The following GTPBP10 variants were observed in gnomAD, a reference collection of about 807,000 sequenced individuals.
The protein encoded by GTPBP10 is GTP binding protein 10.
Under a neutral mutation model 44.8 loss-of-function variants are expected in GTPBP10, and 38 were observed. The observed-to-expected ratio is 0.85, with a 90% CI of 0.65 to 1.11. The LOEUF (loss-of-function observed/expected upper bound fraction) is 1.11, where lower values mean the gene tolerates loss of function less well. GTPBP10 is among the 50% of genes most tolerant of loss of function. The pLI is 0.00. For synonymous variants in GTPBP10, 152 were observed against 150.6 expected (o/e 1.01, Z -0.07); for missense variants, 462 against 453.7 (o/e 1.02, Z -0.17).
intron 1 of GTPBP10, among the ~76,000 whole-genome samples, chr7:90,349,117 A>G (rs2115584541): frequency 6.6e-6 from 1 of 152,338 alleles, no homozygotes; most frequent in South Asian, 2.1e-4. Context: ...GTGAAATTAT[A>G]ACACAACACA....
At chr7:90,372,016 T>C (rs895918562) in intron 4 of GTPBP10, 139 bp from the exon 5 acceptor site, 3 of 537,824 alleles carry the variant, frequency 5.6e-6, no homozygotes, top group Non-Finnish European at 9.8e-6. Context: ...GTGTATGTTC[T>C]CAAGTTTTTC....
intron 1 of GTPBP10, among the ~76,000 whole-genome samples, chr7:90,349,656 C>T (rs945847111): frequency 4.6e-5 from 7 of 152,218 alleles, no homozygotes; most frequent in Non-Finnish European, 7.3e-5. Context: ...AACACAACTG[C>T]ATTTGCACAA....
Position 90,372,193 on chromosome 7 carries a change from T to G in GTPBP10, c.503T>G (p.Val168Gly), listed in dbSNP as rs770776877. ...GGAAAATCCTCTTTGCTAAGTTGTG[T>G]TTCTCATGCAAAACCTGCAATTGCA... The part of the protein sequence containing the change: ...NAGKSSLLSC[V>G]SHAKPAIADY... Residue 168 changes from valine to glycine, a missense_variant, in exon 5 of 10, where the codon GTT becomes GGT. Val to Gly is a moderately radical substitution (Grantham distance 109). Coordinates refer to ENST00000222511, the MANE Select transcript of GTPBP10 (RefSeq NM_033107.4). 6.2e-7 allele frequency: 1 copy of G among 1,607,718 alleles called. No homozygotes were observed. Among genetic ancestry groups the G allele is most frequent in the South Asian group, 1.1e-5 (1 of 90,336 alleles).
chr7:90,347,472 A>G (rs1200527775), intron 1 of GTPBP10: 3 of 236,036 alleles, frequency 1.3e-5, no homozygotes, highest in Non-Finnish European at 2.1e-5. Flanking sequence ...CCTCGAGTAT[A>G]TCAGAATGGT....
intron 4 of GTPBP10, among the ~76,000 whole-genome samples, chr7:90,362,414 T>C (rs1207904651): frequency 6.6e-6 from 1 of 152,238 alleles, no homozygotes; most frequent in African/African-American, 2.4e-5. Flanking sequence ...CAGGAGCAGG[T>C]TATTCAGTTT....
At chr7:90,371,214 TCTGTC>T in intron 4 of GTPBP10, 1 of 970,376 alleles carries the variant, frequency 1.0e-6, no homozygotes, top group South Asian at 4.8e-5. Flanking sequence ...ATTAACAGTG[TCTGTC>T]TACCTGTATA....
intron 4 of GTPBP10, among the ~76,000 whole-genome samples, chr7:90,365,676 G>T (rs1017327687): frequency 6.6e-6 from 1 of 152,266 alleles, no homozygotes; most frequent in East Asian, 1.9e-4. Context: ...GCGCCCGGCC[G>T]GGGTTTTCTA....
At chr7:90,369,624 C>T (rs925291921) in intron 4 of GTPBP10, among the ~76,000 whole-genome samples, 6 of 152,192 alleles carry the variant, frequency 3.9e-5, no homozygotes, top group Admixed American at 2.0e-4. Flanking sequence ...ACCTGCTCAG[C>T]CAGGCACGGG....
intron 8 of GTPBP10, 128 bp downstream of exon 8, chr7:90,378,339 C>T (rs892766209): frequency 2.5e-6 from 3 of 1,224,312 alleles, no homozygotes; most frequent in African/African-American, 3.1e-5. Context: ...TAAAGAATTA[C>T]TTAAACTTGT....
chr7:90,351,103 C>T (rs987235604), intron 1 of GTPBP10, among the ~76,000 whole-genome samples: 27 of 152,120 alleles, frequency 1.8e-4, no homozygotes, highest in African/African-American at 4.8e-4. Context: ...CTTGAGATCC[C>T]GGGATAGTTA....
chr7:90,372,347 C>T (rs938937072), intron 5 of GTPBP10, 119 bp downstream of exon 5: 17 of 661,504 alleles, frequency 2.6e-5, no homozygotes, highest in East Asian at 8.4e-5. Context: ...AAATTTTTGG[C>T]AGATAGACTA....
At chr7:90,350,068 C>T (rs61619194) in intron 1 of GTPBP10, among the ~76,000 whole-genome samples, 9,908 of 152,146 alleles carry the variant, frequency 0.065, 354 homozygotes, top group South Asian at 0.15. Context: ...TTATCTCTCA[C>T]CCAGCCCCCA....
intron 4 of GTPBP10, among the ~76,000 whole-genome samples, chr7:90,368,588 A>T (rs896318297): frequency 6.6e-6 from 1 of 152,088 alleles, no homozygotes; most frequent in Non-Finnish European, 1.5e-5. Context: ...CCAGTCGGCT[A>T]TTGAAGCTTG....
chr7:90,391,307 C>T lies in GTPBP10; in HGVS notation c.*6153C>T, dbSNP rs1796611714. 1 of 151,926 alleles carries T rather than the reference C, an allele frequency of 6.6e-6. No homozygotes were observed. The highest frequency in any genetic ancestry group is 2.4e-5 in the African/African-American group (1 of 41,338). 9.4% of individuals were successfully genotyped at this position (151,926 alleles called of 1,614,324 possible). A position where few individuals can be genotyped will look rare whatever the true frequency, so the allele number is the denominator to read the frequency against. Reference sequence around the variant, plus strand: ...GGATGGGAGGAAGGGATGCTTAAAACCTTGGATAGTACCAAACCCTATATA... The same window carrying T: ...GGATGGGAGGAAGGGATGCTTAAAATCTTGGATAGTACCAAACCCTATATA... On this transcript the variant is annotated 3_prime_UTR_variant, in exon 10 of 10. Transcript: ENST00000222511.
At chr7:90,365,368 C>CTTTTTTTTTTTT (rs59645149) in intron 4 of GTPBP10, among the ~76,000 whole-genome samples, 2 of 90,364 alleles carry the variant, frequency 2.2e-5, no homozygotes, top group Non-Finnish European at 4.1e-5. Context: ...TTGGGGTTTT[C>CTTTTTTTTTTTT]TTTTTTTTTT....
chr7:90,347,291 AT>A lies in GTPBP10; in HGVS notation c.33+518del, dbSNP rs1471743011. Among the ~76,000 whole-genome samples the A allele has an allele frequency of 2.0e-5, 3 of 152,232 alleles. No homozygotes were observed. The East Asian group carries it at 5.8e-4, about 29-fold the overall frequency. ...TTTGAATTTTTATTTTTTAAATCTT[AT>A]CCTATCAGTAATGCTTTTTGAAACG... On this transcript the variant is annotated intron_variant, in intron 1 of 9. Transcript: ENST00000222511.
rs1157286474 is a variant in GTPBP10, at chr7:90,388,159, AT to A, written c.*3010del. ...TCTATGTACCTTTTTTTGACCTTTGATTTTTATTCTGATGGAGAAGATCAGA... is the reference window on the plus strand; with the variant it reads ...TCTATGTACCTTTTTTTGACCTTTGATTTTATTCTGATGGAGAAGATCAGA... On this transcript the variant is annotated 3_prime_UTR_variant, in exon 10 of 10. Transcript: ENST00000222511. The A allele has an allele frequency of 1.3e-5, 2 of 152,034 alleles. No individual in the cohort carries two copies. Among genetic ancestry groups the A allele is most frequent in the Non-Finnish European group, 2.9e-5 (2 of 67,994 alleles). 9.4% of individuals were successfully genotyped at this position (152,034 alleles called of 1,614,324 possible).
intron 4 of GTPBP10, among the ~76,000 whole-genome samples, chr7:90,368,494 T>A (rs2115705440): frequency 6.6e-6 from 1 of 152,032 alleles, no homozygotes; most frequent in East Asian, 1.9e-4. Context: ...TCTTTTCAGT[T>A]TTTTTTCCTC....
intron 8 of GTPBP10, among the ~76,000 whole-genome samples, chr7:90,382,174 T>A (rs1423975090): frequency 6.6e-6 from 1 of 152,150 alleles, no homozygotes; most frequent in Non-Finnish European, 1.5e-5. Context: ...GTGGTTGATA[T>A]CCAAAACATA....
Sources: allele counts gnomAD v4.1 joint callset (sites outside exome capture counted in the v4.1 genomes callset), GRCh38; gene constraint gnomAD v4.1.1; transcripts MANE v1.5; gene names NCBI Gene and HGNC (gene_info 2026-07-23, HGNC 2026-07-21).